UGGT2: variants seen among roughly 807,000 people sequenced by gnomAD.
The protein encoded by UGGT2 is UDP-glucose:glycoprotein glucosyltransferase 2.
In UGGT2, 180 loss-of-function variants were observed where a neutral mutation model predicts 192.1. The ratio of observed to expected loss-of-function variants is 0.94; its 90% CI spans 0.83 to 1.06. The LOEUF (loss-of-function observed/expected upper bound fraction) is 1.06. Among genes scored for constraint, UGGT2 ranks in the 50% least tolerant of loss-of-function variants. The pLI, the probability that UGGT2 is intolerant of heterozygous loss-of-function variation, is 0.00. For synonymous variants in UGGT2, 580 were observed against 591.0 expected (o/e 0.98, Z 0.27); for missense variants, 1,849 against 1,795.7 (o/e 1.03, Z -0.54).
At chr13:96,023,800 A>G (rs2052586490) in intron 2 of UGGT2, 41 bp from the exon 3 acceptor site, 1 of 1,512,868 alleles carries the variant, frequency 6.6e-7, no homozygotes, top group Non-Finnish European at 9.0e-7. Context: ...TTAGCATTTT[A>G]TACACTGCAC....
intron 1 of UGGT2, among the ~76,000 whole-genome samples, chr13:96,040,573 T>C (rs2053135517): frequency 6.6e-6 from 1 of 151,968 alleles, no homozygotes; most frequent in African/African-American, 2.4e-5. Context: ...GCATTCAACC[T>C]ACTACAGATG....
intron 38 of UGGT2, among the ~76,000 whole-genome samples, chr13:95,831,003 T>C (rs1479284687): frequency 6.6e-6 from 1 of 152,086 alleles, no homozygotes; most frequent in Non-Finnish European, 1.5e-5. Flanking sequence ...CTGGAAACCA[T>C]CATTCTCATC....
chr13:96,047,702 C>A (rs912555485), intron 1 of UGGT2, among the ~76,000 whole-genome samples: 13 of 152,104 alleles, frequency 8.5e-5, no homozygotes, highest in Admixed American at 5.9e-4. Flanking sequence ...TCTGATAAAA[C>A]AGACTTTAAA....
At chr13:95,825,590 C>T (rs1885950541) in intron 38 of UGGT2, among the ~76,000 whole-genome samples, 1 of 152,150 alleles carries the variant, frequency 6.6e-6, no homozygotes, top group Non-Finnish European at 1.5e-5. Flanking sequence ...AATGCAGTCA[C>T]CCTGAAGTGT....
rs757578103 is a variant in UGGT2, at chr13:95,877,733, G to T, written c.3352C>A (p.Pro1118Thr). The change falls in exon 28 of 39, where the codon CCT (proline) becomes ACT (threonine). Residue 1118 changes from proline (P) to threonine (T), a missense_variant. Transcript: ENST00000376747. ...ATCACTATTGTATCAACCACAGCAG[G>T]TTTATTTTTTGTGCCTAGTGTGAAC... Reference protein sequence around the residue: ...LQFTLGTKNKPAVVDTIVMAH... With the variant: ...LQFTLGTKNKTAVVDTIVMAH... The T allele has an allele frequency of 6.2e-7, 1 of 1,613,916 alleles. No homozygotes were observed. Among genetic ancestry groups the T allele is most frequent in the Non-Finnish European group, 8.5e-7 (1 of 1,179,940 alleles).
intron 5 of UGGT2, among the ~76,000 whole-genome samples, chr13:96,000,496 T>C (rs537782077): frequency 5.3e-5 from 8 of 152,370 alleles, no homozygotes; most frequent in South Asian, 2.1e-4. Flanking sequence ...AGATAGCATG[T>C]AGAAACTGGG....
In UGGT2 at chr13:95,927,115, C is replaced by G; in HGVS notation, c.2113G>C (p.Val705Leu). Residue 705 changes from valine to leucine, a missense_variant, in exon 19 of 39, where the codon GTT becomes CTT. Transcript: ENST00000376747. The stretch of plus-strand genomic sequence containing the variant: ...AAAAAGAAAGTAGAGAAATCTTCAA[C>G]ATCAGCAGTTACTGAAAAATTTCAA... ...NLISTSVTADVEDFSTFFFLD... is the reference protein window; with the variant it reads ...NLISTSVTADLEDFSTFFFLD... The G allele has an allele frequency of 6.2e-7, 1 of 1,608,656 alleles. No homozygotes were observed.
At chr13:95,853,995 G>A (rs1391475379) in intron 35 of UGGT2, among the ~76,000 whole-genome samples, 2 of 152,120 alleles carry the variant, frequency 1.3e-5, no homozygotes, top group Non-Finnish European at 2.9e-5. Context: ...GTAGTTAGGA[G>A]CCATATTACT....
At chr13:95,854,529 T>C in intron 34 of UGGT2, 54 bp from the exon 35 acceptor site, 1 of 1,428,192 alleles carries the variant, frequency 7.0e-7, no homozygotes, top group Non-Finnish European at 9.3e-7. Context: ...CATAAGCCCT[T>C]TTTTATGGGA....
chr13:95,880,297 T>C (rs550394053), intron 27 of UGGT2, among the ~76,000 whole-genome samples: 69 of 152,338 alleles, frequency 4.5e-4, no homozygotes, highest in African/African-American at 1.5e-3. Flanking sequence ...AGACACATTT[T>C]CCCAAGTTAT....
intron 26 of UGGT2, among the ~76,000 whole-genome samples, chr13:95,885,175 T>C (rs2047611018): frequency 6.6e-6 from 1 of 152,246 alleles, no homozygotes; most frequent in African/African-American, 2.4e-5. Flanking sequence ...AACTGCTTAA[T>C]AGCACTTTTA....
intron 38 of UGGT2, among the ~76,000 whole-genome samples, chr13:95,805,992 G>A: frequency 7.7e-6 from 1 of 130,522 alleles, no homozygotes; most frequent in African/African-American, 3.0e-5. Context: ...CAACTAGTTA[G>A]AATCTTGGAC....
At position 95,981,187 on chromosome 13, in the gene UGGT2, G is replaced by A. The variant is rs1201270695; in HGVS notation, c.1092+2617C>T. Among the ~76,000 whole-genome samples the A allele has an allele frequency of 2.6e-3, 2 of 776 alleles. 1 individual carries two copies. Among genetic ancestry groups the A allele is most frequent in the African/African-American group, 2.7e-3 (2 of 742 alleles). The allele number at this position is 776 out of a possible 152,430, so 0.5% of individuals were successfully genotyped here. A position where few individuals can be genotyped will look rare whatever the true frequency, so the allele number is the denominator to read the frequency against. ...TATGCTTAAGACACTTTTGTTGGCC[G>A]GGCGCGGTGGCTCACGCCTGTAATC... On this transcript the variant is annotated intron_variant, in intron 10 of 38. Transcript: ENST00000376747.
chr13:95,893,524 T>C (rs1470343433), intron 24 of UGGT2, among the ~76,000 whole-genome samples: 1 of 152,226 alleles, frequency 6.6e-6, no homozygotes, highest in Non-Finnish European at 1.5e-5. Flanking sequence ...TGGCATACTG[T>C]ATTATCCTAA....
chr13:95,893,748 G>A (rs957119988), intron 24 of UGGT2, among the ~76,000 whole-genome samples: 11 of 133,160 alleles, frequency 8.3e-5, no homozygotes, highest in African/African-American at 2.9e-4. Context: ...GGAATCTTCA[G>A]TAGTATTTTT....
intron 1 of UGGT2, among the ~76,000 whole-genome samples, chr13:96,047,464 T>C (rs963537480): frequency 6.6e-6 from 1 of 152,148 alleles, no homozygotes; most frequent in Non-Finnish European, 1.5e-5. Flanking sequence ...CAAAATCCCA[T>C]CTGTACGTCA....
intron 15 of UGGT2, among the ~76,000 whole-genome samples, chr13:95,944,122 T>G (rs1260427009): frequency 6.6e-6 from 1 of 152,046 alleles, no homozygotes; most frequent in Non-Finnish European, 1.5e-5. Flanking sequence ...AATTTACTTT[T>G]TATATACCTG....
In UGGT2 at chr13:95,804,152, CAA is replaced by C. The variant is rs1243105378; in HGVS notation, c.4529-2342_4529-2341del. Among the ~76,000 whole-genome samples the C allele has an allele frequency of 2.6e-5, 4 of 151,810 alleles. No individual in the cohort carries two copies. The South Asian group carries it at 6.2e-4, about 24-fold the overall frequency. On this transcript the variant is annotated intron_variant, in intron 38 of 38. Coordinates refer to ENST00000376747, the MANE Select transcript of UGGT2 (RefSeq NM_020121.4). ...AACACAAATGAAAGGAAAAGATAAACAAGAGAAAATATAAGTACAAAAGATCT... is the reference window on the plus strand; with the variant it reads ...AACACAAATGAAAGGAAAAGATAAACGAGAAAATATAAGTACAAAAGATCT...
At chr13:95,829,065 A>G (rs1175302913) in intron 38 of UGGT2, among the ~76,000 whole-genome samples, 1 of 152,214 alleles carries the variant, frequency 6.6e-6, no homozygotes, top group African/African-American at 2.4e-5. Flanking sequence ...CCAAAGACAA[A>G]AACCACATGA....
Sources: gnomAD v4.1 joint callset for allele counts (sites outside exome capture counted in the v4.1 genomes callset) on GRCh38, gnomAD v4.1.1 for gene constraint, MANE v1.5 for transcripts, NCBI Gene and HGNC (gene_info 2026-07-23, HGNC 2026-07-21) for gene names.